Variants in PLXNA4 observed in about 807,000 individuals in gnomAD.
The protein encoded by PLXNA4 is plexin-A4.
Under a neutral mutation model 191.8 loss-of-function variants are expected in PLXNA4, and 44 were observed. The ratio of observed to expected loss-of-function variants is 0.23; its 90% CI spans 0.18 to 0.29. PLXNA4 has a LOEUF of 0.29. Among genes scored for constraint, PLXNA4 ranks in the 10% least tolerant of loss-of-function variants. The probability of loss-of-function intolerance (pLI) is 1.00; values close to 1 mark genes in which losing one functional copy is unlikely to be tolerated. For synonymous variants in PLXNA4, 1,082 were observed against 1,009.5 expected (o/e 1.07, Z -1.36); for missense variants, 1,800 against 2,488.8 (o/e 0.72, Z 5.89).
intron 21 of PLXNA4, among the ~76,000 whole-genome samples, chr7:132,169,700 A>T (rs1446566969): frequency 6.6e-6 from 1 of 151,942 alleles, no homozygotes; most frequent in Non-Finnish European, 1.5e-5. Flanking sequence ...TGTAACTAAA[A>T]GGGGGCACCC....
intron 2 of PLXNA4, among the ~76,000 whole-genome samples, chr7:132,594,996 G>C (rs1272023498): frequency 4.2e-5 from 2 of 47,644 alleles, no homozygotes; most frequent in East Asian, 9.5e-4. Flanking sequence ...TAGATAGATA[G>C]ATAGATAGAT....
intron 10 of PLXNA4, among the ~76,000 whole-genome samples, chr7:132,204,137 C>G (rs1409827808): frequency 1.3e-5 from 2 of 152,078 alleles, no homozygotes; most frequent in East Asian, 3.9e-4. Context: ...CGCCCAGATT[C>G]CTGTTGTGCT....
chr7:132,443,993 T>A (rs1368591), intron 3 of PLXNA4, among the ~76,000 whole-genome samples: 110,029 of 152,148 alleles, frequency 0.72, 43,825 homozygotes, highest in Non-Finnish European at 0.89. Context: ...CTGGGTGGGA[T>A]CCCCCTGCCT....
chr7:132,623,092 C>G (rs1423582302), intron 2 of PLXNA4, among the ~76,000 whole-genome samples: 1 of 152,160 alleles, frequency 6.6e-6, no homozygotes, highest in African/African-American at 2.4e-5. Context: ...CAGCTGTAAT[C>G]CCAGCACTTT....
chr7:132,357,451 A>G (rs1803755815), intron 3 of PLXNA4, among the ~76,000 whole-genome samples: 1 of 152,184 alleles, frequency 6.6e-6, no homozygotes, highest in Non-Finnish European at 1.5e-5. Flanking sequence ...TCTCAGCCAA[A>G]TGAGAGTATC....
At chr7:132,482,594 C>G (rs1316537875) in intron 3 of PLXNA4, among the ~76,000 whole-genome samples, 1 of 152,102 alleles carries the variant, frequency 6.6e-6, no homozygotes, top group Non-Finnish European at 1.5e-5. Flanking sequence ...TTGTTCAAAG[C>G]CTCTAAGTTC....
At chr7:132,486,511 G>C (rs962617437) in intron 3 of PLXNA4, among the ~76,000 whole-genome samples, 1 of 152,198 alleles carries the variant, frequency 6.6e-6, no homozygotes, top group African/African-American at 2.4e-5. Flanking sequence ...CACGGGAGCC[G>C]GGCTTGAGCA....
At chr7:132,184,874 C>G (rs2116761694) in intron 16 of PLXNA4, among the ~76,000 whole-genome samples, 1 of 152,118 alleles carries the variant, frequency 6.6e-6, no homozygotes, top group African/African-American at 2.4e-5. Flanking sequence ...CACAGCTTCC[C>G]CCAAGGAACC....
At chr7:132,205,171 T>C (rs1797573764) in intron 10 of PLXNA4, among the ~76,000 whole-genome samples, 1 of 152,090 alleles carries the variant, frequency 6.6e-6, no homozygotes, top group Non-Finnish European at 1.5e-5. Flanking sequence ...TCCCCAGAGG[T>C]TGTCTCTGCA....
At chr7:132,222,287 G>C (rs1001109245) in intron 9 of PLXNA4, among the ~76,000 whole-genome samples, 1 of 152,192 alleles carries the variant, frequency 6.6e-6, no homozygotes, top group African/African-American at 2.4e-5. Context: ...ACCGTGCTAT[G>C]GGAGCCCCCA....
chr7:132,317,548 T>A (rs1303187583), intron 3 of PLXNA4, among the ~76,000 whole-genome samples: 1 of 152,088 alleles, frequency 6.6e-6, no homozygotes, highest in Non-Finnish European at 1.5e-5. Flanking sequence ...TGGGGTTGGA[T>A]TGGGTTGTGT....
At chr7:132,171,390 C>T (rs766660612) in intron 21 of PLXNA4, among the ~76,000 whole-genome samples, 1 of 152,206 alleles carries the variant, frequency 6.6e-6, no homozygotes, top group Non-Finnish European at 1.5e-5. Flanking sequence ...AGTGCCCGTT[C>T]GTCCTCCCCA....
intron 1 of PLXNA4, among the ~76,000 whole-genome samples, chr7:132,517,718 A>G (rs964101211): frequency 3.9e-5 from 6 of 152,158 alleles, no homozygotes; most frequent in African/African-American, 1.4e-4. Context: ...GATAGAGGAG[A>G]TGGCCAAGCT....
chr7:132,138,178 T>A (rs1795167902), intron 30 of PLXNA4, among the ~76,000 whole-genome samples: 1 of 152,140 alleles, frequency 6.6e-6, no homozygotes, highest in Non-Finnish European at 1.5e-5. Flanking sequence ...GCCCTATTTT[T>A]TAGTTGTGAT....
chr7:132,539,320 C>T (rs753373567), intron 1 of PLXNA4, among the ~76,000 whole-genome samples: 7 of 152,218 alleles, frequency 4.6e-5, no homozygotes, highest in Admixed American at 4.6e-4. Flanking sequence ...CACCTGTCTT[C>T]CCAGAGCTCA....
rs552884351 is a variant in PLXNA4 at position 132,287,934 on chromosome 7, C to A, written c.1503+10157G>T. On this transcript the variant is annotated intron_variant, in intron 4 of 31. Coordinates refer to ENST00000321063, the MANE Select transcript of PLXNA4 (RefSeq NM_020911.2). ...TTCTGATCACATCTGCACTGCTCCA[C>A]CACCCCATCCCCAGAGACTCCTTCT... 2.6e-5 allele frequency among the ~76,000 whole-genome samples: 4 copies of A among 152,312 alleles called. No individual in the cohort carries two copies. In the South Asian group the frequency reaches 6.2e-4, roughly 24 times the overall value.
chr7:132,594,277 T>C (rs558902778), intron 2 of PLXNA4, among the ~76,000 whole-genome samples: 1 of 152,276 alleles, frequency 6.6e-6, no homozygotes, highest in East Asian at 1.9e-4. Flanking sequence ...AATACCATGT[T>C]CTCCATATGG....
intron 2 of PLXNA4, among the ~76,000 whole-genome samples, chr7:132,635,650 C>A (rs898839651): frequency 2.0e-5 from 3 of 152,156 alleles, no homozygotes; most frequent in Non-Finnish European, 4.4e-5. Flanking sequence ...GACCCCACTG[C>A]CCTGCACCTT....
At chr7:132,178,450 C>T (rs565872191) in intron 20 of PLXNA4, among the ~76,000 whole-genome samples, 79 of 152,240 alleles carry the variant, frequency 5.2e-4, no homozygotes, top group African/African-American at 1.8e-3. Context: ...AGTCACCAAG[C>T]GCCTCCAACA....
Sources: allele counts gnomAD v4.1 joint callset (sites outside exome capture counted in the v4.1 genomes callset), GRCh38; gene constraint gnomAD v4.1.1; transcripts MANE v1.5; gene names NCBI Gene and HGNC (gene_info 2026-07-23, HGNC 2026-07-21).